ACER3: variants seen among roughly 807,000 people sequenced by gnomAD.
ACER3 encodes alkCDase 3.
Under a neutral mutation model 48.9 loss-of-function variants are expected in ACER3, and 16 were observed. The ratio of observed to expected loss-of-function variants is 0.33; its 90% CI spans 0.22 to 0.50. The LOEUF (loss-of-function observed/expected upper bound fraction) is 0.50, where lower values mean the gene tolerates loss of function less well. ACER3 is among the 20% of genes least tolerant of loss of function. ACER3 has a pLI of 0.98. For missense variants in ACER3, 227 were observed against 326.0 expected (o/e 0.70, Z 2.34); for synonymous variants, 109 against 107.8 (o/e 1.01, Z -0.07).
intron 5 of ACER3, among the ~76,000 whole-genome samples, chr11:76,987,274 C>T (rs931156906): frequency 2.0e-5 from 3 of 152,058 alleles, no homozygotes; most frequent in Admixed American, 1.3e-4. Flanking sequence ...TGAAAAGAAA[C>T]GGTCATAAGT....
At chr11:76,922,387 T>A (rs933956602) in intron 1 of ACER3, among the ~76,000 whole-genome samples, 2 of 152,160 alleles carry the variant, frequency 1.3e-5, no homozygotes, top group Non-Finnish European at 2.9e-5. Flanking sequence ...TCAGTAAAGA[T>A]TTTCATTAGT....
intron 7 of ACER3, among the ~76,000 whole-genome samples, chr11:77,005,990 TA>T (rs369609429): frequency 0.039 from 3,513 of 90,598 alleles, 174 homozygotes; most frequent in East Asian, 0.14. Context: ...TATATATATA[TA>T]TTTTTTTTTT....
intron 1 of ACER3, among the ~76,000 whole-genome samples, chr11:76,873,289 TC>T (rs1945291997): frequency 6.6e-6 from 1 of 152,178 alleles, no homozygotes; most frequent in African/African-American, 2.4e-5. Context: ...GGCTTTAACA[TC>T]CACAAAGTAT....
intron 2 of ACER3, among the ~76,000 whole-genome samples, chr11:76,944,183 G>T (rs962849147): frequency 6.6e-6 from 1 of 151,916 alleles, no homozygotes; most frequent in Non-Finnish European, 1.5e-5. Context: ...GTGAGGCTTT[G>T]TTCCTGTCCA....
intron 4 of ACER3, chr11:76,978,486 AC>A (rs1291990823): frequency 1.3e-5 from 2 of 152,298 alleles, no homozygotes; most frequent in African/African-American, 4.8e-5. Flanking sequence ...GATAGGAGCC[AC>A]CCACTTTGGG....
chr11:76,960,292 C>T (rs540168030), intron 3 of ACER3, among the ~76,000 whole-genome samples: 2 of 151,852 alleles, frequency 1.3e-5, no homozygotes, highest in South Asian at 4.2e-4. Flanking sequence ...ACCTGTAATC[C>T]CAGCTACCCG....
At chr11:76,944,834 T>G (rs985703115) in intron 2 of ACER3, among the ~76,000 whole-genome samples, 6 of 152,164 alleles carry the variant, frequency 3.9e-5, no homozygotes, top group Admixed American at 6.5e-5. Context: ...ATTGGAATAC[T>G]GATAATTTAT....
chr11:76,934,296 C>A (rs1947109336), intron 2 of ACER3, among the ~76,000 whole-genome samples: 1 of 152,326 alleles, frequency 6.6e-6, no homozygotes, highest in Admixed American at 6.5e-5. Context: ...GGCGGCCGGG[C>A]AGAGGCTGCA....
At chr11:76,868,059 A>G in intron 1 of ACER3, 4 of 1,251,022 alleles carry the variant, frequency 3.2e-6, no homozygotes, top group South Asian at 2.5e-5. Flanking sequence ...CAGGTATGCC[A>G]TGAAAGGCAT....
At chr11:76,995,199 C>T (rs1004132307) in intron 6 of ACER3, among the ~76,000 whole-genome samples, 1 of 152,192 alleles carries the variant, frequency 6.6e-6, no homozygotes, top group African/African-American at 2.4e-5. Flanking sequence ...CCCTCCTTCA[C>T]TCTCTCCAGT....
At chr11:76,949,245 C>A (rs1042337009) in intron 2 of ACER3, among the ~76,000 whole-genome samples, 4 of 152,160 alleles carry the variant, frequency 2.6e-5, no homozygotes, top group Non-Finnish European at 4.4e-5. Context: ...TTAGAAGATG[C>A]AGATGGTACC....
At chr11:76,867,775 A>G (rs1284228520) in intron 1 of ACER3, among the ~76,000 whole-genome samples, 6 of 152,164 alleles carry the variant, frequency 3.9e-5, no homozygotes, top group Admixed American at 2.6e-4. Context: ...ACTTTCATGG[A>G]TGGGAAGAAT....
At chr11:76,898,201 AG>A (rs1256374790) in intron 1 of ACER3, among the ~76,000 whole-genome samples, 1 of 152,222 alleles carries the variant, frequency 6.6e-6, no homozygotes, top group Non-Finnish European at 1.5e-5. Flanking sequence ...ACAGTGCATA[AG>A]TTAAATAACT....
At chr11:76,923,972 AGTTCTTTCTCTCTAAAGTTGTCTCT>A (rs1013101179) in intron 1 of ACER3, among the ~76,000 whole-genome samples, 4 of 152,046 alleles carry the variant, frequency 2.6e-5, no homozygotes, top group Non-Finnish European at 4.4e-5. Flanking sequence ...AGATTTCCTG[AGTTCTTTCTCTCTAAAGTTGTCTCT>A]CATATACTGT....
At chr11:76,993,694 T>C (rs562261105) in intron 6 of ACER3, among the ~76,000 whole-genome samples, 2 of 152,312 alleles carry the variant, frequency 1.3e-5, no homozygotes, top group East Asian at 3.9e-4. Flanking sequence ...GAAGACAATT[T>C]TTCCATGGAC....
At chr11:76,996,869 G>A (rs1394938517) in intron 6 of ACER3, among the ~76,000 whole-genome samples, 1 of 151,692 alleles carries the variant, frequency 6.6e-6, no homozygotes, top group Non-Finnish European at 1.5e-5. Flanking sequence ...GGGATTACAA[G>A]CATCTGCCAC....
intron 4 of ACER3, among the ~76,000 whole-genome samples, chr11:76,983,829 C>T (rs1211410569): frequency 3.3e-5 from 5 of 150,808 alleles, no homozygotes; most frequent in African/African-American, 4.9e-5. Context: ...CTCACACTGT[C>T]GCCCAGGCTG....
intron 2 of ACER3, among the ~76,000 whole-genome samples, chr11:76,932,166 T>C (rs1203938061): frequency 6.6e-6 from 1 of 152,096 alleles, no homozygotes; most frequent in Non-Finnish European, 1.5e-5. Context: ...CCCAGGCTAA[T>C]CTCAAACTCC....
In ACER3 at chr11:76,958,801, C is replaced by T. The variant is rs1013143804; in HGVS notation, c.215-178C>T. The T allele has an allele frequency of 6.3e-6, 4 of 631,716 alleles. No homozygotes were observed. The Admixed American group carries it at 1.2e-4, about 19-fold the overall frequency. The allele number at this position is 631,716 out of a possible 1,614,324, so 39.1% of individuals were successfully genotyped here. A position where few individuals can be genotyped will look rare whatever the true frequency, so the allele number is the denominator to read the frequency against. On this transcript the variant is annotated intron_variant, in intron 2 of 10. Transcript: ENST00000532485. ...GGAGAACTTATATTGTACTTCTTTT[C>T]TACACCAAAATTTCACCAATTATAG...
Sources: gnomAD v4.1 joint callset for allele counts (sites outside exome capture counted in the v4.1 genomes callset) on GRCh38, gnomAD v4.1.1 for gene constraint, MANE v1.5 for transcripts, NCBI Gene and HGNC (gene_info 2026-07-23, HGNC 2026-07-21) for gene names.